BCAS3: variants seen among roughly 807,000 people sequenced by gnomAD.
BCAS3 encodes BCAS3 microtubule associated cell migration factor.
Under a neutral mutation model 116.1 loss-of-function variants are expected in BCAS3, and 53 were observed. The ratio of observed to expected loss-of-function variants is 0.46; its 90% CI spans 0.37 to 0.57. The LOEUF is 0.57. Among genes scored for constraint, BCAS3 ranks in the 20% least tolerant of loss-of-function variants. BCAS3 has a pLI of 0.00. For synonymous variants in BCAS3, 391 were observed against 408.2 expected (o/e 0.96, Z 0.51); for missense variants, 917 against 1,165.4 (o/e 0.79, Z 3.10).
rs922832640 is a variant in BCAS3, at chr17:61,347,301, C to T, written c.2426-21026C>T. Among the ~76,000 whole-genome samples, 6 of 152,142 alleles carry T rather than the reference C, an allele frequency of 3.9e-5. No individual in the cohort carries two copies. Among genetic ancestry groups the T allele is most frequent in the Non-Finnish European group, 7.3e-5 (5 of 68,032 alleles). ...TACACCGTGTTGGCCAGGCTGGTCTCGATATGCTGACCTCAGGTGATCCAC... is the reference window on the plus strand; with the variant it reads ...TACACCGTGTTGGCCAGGCTGGTCTTGATATGCTGACCTCAGGTGATCCAC... On this transcript the variant is annotated intron_variant, in intron 22 of 23. Transcript: ENST00000407086. The surrounding 1 kb of genome is among the most constrained non-coding windows in gnomAD (Gnocchi z 4.3).
intron 3 of BCAS3, 47 bp downstream of exon 3, chr17:60,684,083 T>G: frequency 6.4e-7 from 1 of 1,570,014 alleles, no homozygotes; most frequent in African/African-American, 1.4e-5. Context: ...TCAGGAGAGC[T>G]CTGAAATGTT....
rs2073163849 is a variant in BCAS3, at chr17:61,087,252, C to T, written c.2425+2688C>T. 1 of 980,748 alleles carries T rather than the reference C, an allele frequency of 1.0e-6. No homozygotes were observed. Among genetic ancestry groups the T allele is most frequent in the Non-Finnish European group, 1.2e-6 (1 of 825,734 alleles). The allele number at this position is 980,748 out of a possible 1,614,324, so 60.8% of individuals were successfully genotyped here. On this transcript the variant is annotated intron_variant, in intron 22 of 23. Coordinates refer to ENST00000407086, the MANE Select transcript of BCAS3 (RefSeq NM_017679.5). This position sits in a 1 kb window ranked among gnomAD's most constrained non-coding sequence, Gnocchi z 4.6. ...ACTTGGAGATACGACCAGTGTGGCA[C>T]CTCCTCTGTTGGTCTTCATTGCCCT...
intron 7 of BCAS3, among the ~76,000 whole-genome samples, chr17:60,863,985 A>G (rs1051649289): frequency 6.6e-6 from 1 of 152,212 alleles, no homozygotes; most frequent in African/African-American, 2.4e-5. Flanking sequence ...GAAAATGAGT[A>G]TCAGGCAGTG....
Position 60,887,419 on chromosome 17 carries a change from G to C in BCAS3, c.662-2276G>C, listed in dbSNP as rs571025985. The C allele has an allele frequency of 8.4e-4, 129 of 153,902 alleles. 1 individual carries two copies. Among genetic ancestry groups the C allele is most frequent in the Non-Finnish European group, 1.1e-3 (74 of 69,302 alleles). 9.5% of individuals were successfully genotyped at this position (153,902 alleles called of 1,614,324 possible). ...GCAGAAATCACCCGTCTTCTGCGTT[G>C]CTCACGCTGGGAGCTGTAGACTGGA... On this transcript the variant is annotated intron_variant, in intron 9 of 23. Transcript: ENST00000407086.
intron 6 of BCAS3, among the ~76,000 whole-genome samples, chr17:60,772,885 G>A (rs781169241): frequency 6.6e-6 from 1 of 152,186 alleles, no homozygotes; most frequent in East Asian, 1.9e-4. Context: ...AAAAAAAAAG[G>A]GGGGCTTAAC....
intron 22 of BCAS3, among the ~76,000 whole-genome samples, chr17:61,350,831 C>G (rs1428516795): frequency 6.6e-6 from 1 of 152,022 alleles, no homozygotes; most frequent in African/African-American, 2.4e-5. Context: ...ATGAGGCCTC[C>G]CTGTGTTGCT....
chr17:61,376,172 A>G lies in BCAS3; in HGVS notation c.2593+7678A>G, dbSNP rs1304842155. ...CCAGAAAGCTGGAGAAGTGACATTT[A>G]CATGTGTTATGTGGGCCTCTCAGGT... On this transcript the variant is annotated intron_variant, in intron 23 of 23. Transcript: ENST00000407086. The surrounding 1 kb of genome is among the most constrained non-coding windows in gnomAD (Gnocchi z 4.5). Among the ~76,000 whole-genome samples, 1 of 152,318 alleles carries G rather than the reference A, an allele frequency of 6.6e-6. No homozygotes were observed. Among genetic ancestry groups the G allele is most frequent in the East Asian group, 1.9e-4 (1 of 5,184 alleles).
At chr17:60,981,259 G>C (rs1489691231) in intron 14 of BCAS3, among the ~76,000 whole-genome samples, 1 of 151,890 alleles carries the variant, frequency 6.6e-6, no homozygotes, top group Non-Finnish European at 1.5e-5. Flanking sequence ...TAGTAACCTT[G>C]TAGATGATAG....
At chr17:61,079,983 G>C (rs946452862) in intron 21 of BCAS3, among the ~76,000 whole-genome samples, 2 of 138,478 alleles carry the variant, frequency 1.4e-5, no homozygotes, top group African/African-American at 2.7e-5. Flanking sequence ...CATCTAGAAT[G>C]TATTCTAGCC....
At position 61,214,267 on chromosome 17, in the gene BCAS3, A is replaced by C. The variant is rs188886771; in HGVS notation, c.2425+129703A>C. On this transcript the variant is annotated intron_variant, in intron 22 of 23. Coordinates refer to ENST00000407086, the MANE Select transcript of BCAS3 (RefSeq NM_017679.5). The surrounding 1 kb of genome is among the most constrained non-coding windows in gnomAD (Gnocchi z 4.4). ...TGTAATCCCAGCTACTTGGGAGGCCAAGGCAGGGAGAATTGTTTGAACCTG... is the reference window on the plus strand; with the variant it reads ...TGTAATCCCAGCTACTTGGGAGGCCCAGGCAGGGAGAATTGTTTGAACCTG... Among the ~76,000 whole-genome samples the C allele has an allele frequency of 6.6e-6, 1 of 152,172 alleles. No homozygotes were observed. Among genetic ancestry groups the C allele is most frequent in the Non-Finnish European group, 1.5e-5 (1 of 67,992 alleles).
intron 22 of BCAS3, among the ~76,000 whole-genome samples, chr17:61,190,901 A>G (rs2080071165): frequency 6.6e-6 from 1 of 151,832 alleles, no homozygotes; most frequent in Non-Finnish European, 1.5e-5. Context: ...CCGTGCCTGG[A>G]CTACAAAAAA....
At chr17:61,112,989 T>G (rs1336366406) in intron 22 of BCAS3, among the ~76,000 whole-genome samples, 1 of 124,340 alleles carries the variant, frequency 8.0e-6, no homozygotes, top group African/African-American at 2.7e-5. Flanking sequence ...GAATGACTAC[T>G]GGATACATAA....
rs1181844782 is a variant in BCAS3, at chr17:61,337,832, G to A, written c.2426-30495G>A. Among the ~76,000 whole-genome samples the A allele has an allele frequency of 6.6e-6, 1 of 152,136 alleles. No homozygotes were observed. ...AGCCTCCTTGTTATGGAGAATTTGT[G>A]GTGTGCCTGTGAATATTTCCACCAG... On this transcript the variant is annotated intron_variant, in intron 22 of 23. Coordinates refer to ENST00000407086, the MANE Select transcript of BCAS3 (RefSeq NM_017679.5). This position sits in a 1 kb window ranked among gnomAD's most constrained non-coding sequence, Gnocchi z 4.8.
intron 19 of BCAS3, among the ~76,000 whole-genome samples, chr17:61,071,321 G>A (rs1235072753): frequency 6.6e-6 from 1 of 152,070 alleles, no homozygotes; most frequent in South Asian, 2.1e-4. Flanking sequence ...GCTCTCAAAT[G>A]AAAACCAGTT....
chr17:61,049,705 TTTTTC>T (rs757647271), intron 19 of BCAS3, among the ~76,000 whole-genome samples: 123 of 148,992 alleles, frequency 8.3e-4, no homozygotes, highest in Middle Eastern at 3.5e-3. Context: ...GATAAGCAGA[TTTTTC>T]TTTTCTTTTC....
At chr17:61,322,266 G>A (rs1276268793) in intron 22 of BCAS3, among the ~76,000 whole-genome samples, 1 of 152,212 alleles carries the variant, frequency 6.6e-6, no homozygotes, top group East Asian at 1.9e-4. Context: ...ATTGGGAGGC[G>A]TGAGTGACCT....
chr17:60,941,472 A>G (rs556291851), intron 13 of BCAS3, among the ~76,000 whole-genome samples: 1 of 152,292 alleles, frequency 6.6e-6, no homozygotes, highest in African/African-American at 2.4e-5. Context: ...CAAAAGAGGA[A>G]ATTCTAAATG....
At chr17:60,925,646 T>C (rs1180627764) in intron 13 of BCAS3, among the ~76,000 whole-genome samples, 1 of 152,158 alleles carries the variant, frequency 6.6e-6, no homozygotes, top group East Asian at 1.9e-4. Context: ...GAAAACGTTT[T>C]CTCTCATCAG....
In BCAS3 at chr17:61,037,799, G is replaced by C; in HGVS notation, c.1763-90G>C. The C allele has an allele frequency of 8.3e-7, 1 of 1,197,732 alleles. No individual in the cohort carries two copies. The highest frequency in any genetic ancestry group is 2.6e-5 in the East Asian group (1 of 38,270). 74.2% of individuals were successfully genotyped at this position (1,197,732 alleles called of 1,614,324 possible). Reference sequence around the variant, plus strand: ...TCATTTTCTCTGAGCAGCCTCAGGAGCAGACTAATAAGATCATTAACTTGT... The same window carrying C: ...TCATTTTCTCTGAGCAGCCTCAGGACCAGACTAATAAGATCATTAACTTGT... On this transcript the variant is annotated intron_variant, in intron 17 of 23. Transcript: ENST00000407086. The surrounding 1 kb of genome is among the most constrained non-coding windows in gnomAD (Gnocchi z 4.7).
Sources: allele counts gnomAD v4.1 joint callset (sites outside exome capture counted in the v4.1 genomes callset), GRCh38; gene constraint gnomAD v4.1.1; non-coding constraint Gnocchi (gnomAD v3.1); transcripts MANE v1.5; gene names NCBI Gene and HGNC (gene_info 2026-07-23, HGNC 2026-07-21).